Variants in FAM180B observed in about 807,000 individuals in gnomAD.
FAM180B encodes family with sequence similarity 180 member B, also known as protein FAM180B.
FAM180B carries 14 observed loss-of-function variants against 13.6 expected under a neutral mutation model. That is an observed-to-expected ratio of 1.03 (90% CI 0.68 to 1.60). The LOEUF is 1.60. Among genes scored for constraint, FAM180B ranks in the 40% most tolerant of loss-of-function variants. The pLI is 0.00. For missense variants in FAM180B, 212 were observed against 230.4 expected (o/e 0.92, Z 0.52); for synonymous variants, 109 against 97.0 (o/e 1.12, Z -0.72).
At position 47,586,956 on chromosome 11, in the gene FAM180B, G is replaced by A. The variant is rs1360341057; in HGVS notation, c.85+103G>A. 3.9e-6 allele frequency: 3 copies of A among 768,430 alleles called. No homozygotes were observed. The East Asian group carries it at 8.0e-5, about 21-fold the overall frequency. The allele number at this position is 768,430 out of a possible 1,614,324, so 47.6% of individuals were successfully genotyped here. A position where few individuals can be genotyped will look rare whatever the true frequency, so the allele number is the denominator to read the frequency against. On this transcript the variant is annotated intron_variant, in intron 1 of 2. Transcript: ENST00000538490. ...TAGTCGGGCATAGAAGCGTGGGCAT[G>A]GTGGGTACCAGGCTGATGTGTGCTG...
Position 47,588,754 on chromosome 11 carries a change from G to GTA in FAM180B, c.*321_*322insAT. 4.0e-6 allele frequency: 1 copy of GTA among 250,574 alleles called. No homozygotes were observed. Among genetic ancestry groups the GTA allele is most frequent in the Non-Finnish European group, 7.5e-6 (1 of 132,530 alleles). 15.5% of individuals were successfully genotyped at this position (250,574 alleles called of 1,614,324 possible). On this transcript the variant is annotated 3_prime_UTR_variant, in exon 3 of 3. Transcript: ENST00000538490. ...TGTGTGTGTGTGTGTGTGTGTGTGT[G>GTA]TGGAGATCAGGGGTCAGGGTTGAGA...
intron 1 of FAM180B, 148 bp downstream of exon 1, chr11:47,587,001 C>T: frequency 1.5e-6 from 1 of 649,486 alleles, no homozygotes; most frequent in Middle Eastern, 4.0e-4. Flanking sequence ...ACAGTGTGGG[C>T]CCCACCCCCA....
Position 47,588,665 on chromosome 11 carries a change from G to T in FAM180B, c.*231G>T. ...ACCCAGGCTCTGGGTCGCAAGGAGT[G>T]CGCAAGGAGTGGGCACAGAGCTAAG... On this transcript the variant is annotated 3_prime_UTR_variant, in exon 3 of 3. Transcript: ENST00000538490. 2 of 521,726 alleles carry T rather than the reference G, an allele frequency of 3.8e-6. No individual in the cohort carries two copies. Among genetic ancestry groups the T allele is most frequent in the Non-Finnish European group, 6.8e-6 (2 of 294,454 alleles). 32.3% of individuals were successfully genotyped at this position (521,726 alleles called of 1,614,324 possible). A position where few individuals can be genotyped will look rare whatever the true frequency, so the allele number is the denominator to read the frequency against.
rs1489471831 is a variant in FAM180B, at chr11:47,586,848, A to T, written c.80A>T (p.His27Leu). ...TCTGGTGTGACTACAACCCAGCCCC[A>T]TGCAGGTACCAGGCTTCAGGGTGGG... ...LLSGVTTTQP[H>L]AGQPMDSTSV... is the part of the protein sequence containing the mutation. Residue 27 changes from histidine (H) to leucine (L), a missense_variant, in exon 1 of 3, where the codon CAT becomes CTT. Transcript: ENST00000538490. 25 of 1,536,070 alleles carry T rather than the reference A, an allele frequency of 1.6e-5. No individual in the cohort carries two copies. The highest frequency in any genetic ancestry group is 2.1e-5 in the Non-Finnish European group (24 of 1,145,946).
chr11:47,587,558 G>C (rs1047851585), intron 1 of FAM180B, among the ~76,000 whole-genome samples, 193 bp from the exon 2 acceptor site: 2 of 152,304 alleles, frequency 1.3e-5, no homozygotes, highest in African/African-American at 4.8e-5. Flanking sequence ...ACCTATGCCT[G>C]GGAGGGTGAA....
rs1399358091 is a variant in FAM180B, at chr11:47,588,510, C to T, written c.*76C>T. The T allele has an allele frequency of 5.8e-6, 4 of 686,652 alleles. No individual in the cohort carries two copies. Among genetic ancestry groups the T allele is most frequent in the South Asian group, 2.0e-5 (1 of 49,498 alleles). The allele number at this position is 686,652 out of a possible 1,614,324, so 42.5% of individuals were successfully genotyped here. On this transcript the variant is annotated 3_prime_UTR_variant, in exon 3 of 3. Coordinates refer to ENST00000538490, the MANE Select transcript of FAM180B (RefSeq NM_001164379.3). Reference sequence around the variant, plus strand: ...CAACCCCCCAGGCAGACCCATCTTGCGCAGGGGCTTCTGTCTGGCATCTGA... The same window carrying T: ...CAACCCCCCAGGCAGACCCATCTTGTGCAGGGGCTTCTGTCTGGCATCTGA...
chr11:47,588,184 T>G lies in FAM180B; in HGVS notation c.302T>G (p.Leu101Arg), dbSNP rs1331587650. Reference sequence around the variant, plus strand: ...GACTTGGAGGGCACTGAGCAGTGGCTGCAGCAGCTCCAGGACCTGCGGAAG... The same window carrying G: ...GACTTGGAGGGCACTGAGCAGTGGCGGCAGCAGCTCCAGGACCTGCGGAAG... ...PSDLEGTEQW[L>R]QQLQDLRKGP... Residue 101 changes from leucine (L) to arginine (R), a missense_variant, in exon 3 of 3, where the codon CTG (leucine) becomes CGG (arginine). By Grantham distance (102) the Leu-to-Arg change is moderately radical. Transcript: ENST00000538490. The G allele has an allele frequency of 2.0e-6, 3 of 1,537,070 alleles. No individual in the cohort carries two copies. The Admixed American group carries it at 5.9e-5, about 30-fold the overall frequency.
At position 47,588,359 on chromosome 11, in the gene FAM180B, G is replaced by C. The variant is rs2097272924; in HGVS notation, c.477G>C (p.Leu159=). The stretch of plus-strand genomic sequence containing the variant: ...TGGCACAGGAAACACTCTGGGACCT[G>C]TGCAAAGGTTTCTGCCCCCAGGACC... The part of the protein sequence containing the change: ...ALLAQETLWD[L]CKGFCPQDRP... Residue 159 remains leucine, a synonymous_variant, in exon 3 of 3, where the codon CTG becomes CTC. Coordinates refer to ENST00000538490, the MANE Select transcript of FAM180B (RefSeq NM_001164379.3). 2.0e-6 allele frequency: 3 copies of C among 1,534,884 alleles called. No individual in the cohort carries two copies. In the South Asian group the frequency reaches 3.6e-5, roughly 18 times the overall value.
At chr11:47,587,169 C>G (rs1041793028) in intron 1 of FAM180B, among the ~76,000 whole-genome samples, 1 of 152,138 alleles carries the variant, frequency 6.6e-6, no homozygotes, top group African/African-American at 2.4e-5. Context: ...AAGGTGTGGG[C>G]CGGACGGAGC....
At chr11:47,587,162 G>A (rs2097272012) in intron 1 of FAM180B, among the ~76,000 whole-genome samples, 2 of 152,132 alleles carry the variant, frequency 1.3e-5, no homozygotes, top group African/African-American at 4.8e-5. Context: ...ACACCCCAAG[G>A]TGTGGGCCGG....
chr11:47,587,798 G>A lies in FAM180B; in HGVS notation c.133G>A (p.Glu45Lys). 2 of 1,535,398 alleles carry A rather than the reference G, an allele frequency of 1.3e-6. No individual in the cohort carries two copies. Among genetic ancestry groups the A allele is most frequent in the Middle Eastern group, 1.7e-4 (1 of 5,980 alleles). ...CGTGGGAGGTGGCCTGCAGGAGCCA[G>A]AGGCCCCGGAAGTGATGTTTGAGGT... ...TSVGGGLQEP[E>K]APEVMFELLW... Residue 45 changes from glutamate (E) to lysine (K), a missense_variant, in exon 2 of 3, where the codon GAG (glutamate) becomes AAG (lysine). Physicochemically the swap from Glu to Lys is moderately conservative, Grantham distance 56. Transcript: ENST00000538490.
rs1028124423 is a variant in FAM180B at position 47,588,705 on chromosome 11, G to A, written c.*271G>A. The A allele has an allele frequency of 1.0e-5, 4 of 387,764 alleles. No homozygotes were observed. The highest frequency in any genetic ancestry group is 2.3e-5 in the African/African-American group (1 of 43,004). 24.0% of individuals were successfully genotyped at this position (387,764 alleles called of 1,614,324 possible). Reference sequence around the variant, plus strand: ...ACAGAGCTAAGGGCACGACTTGCAGGCAGTGTGTGTGTGAGTGTGTGTGTG... The same window carrying A: ...ACAGAGCTAAGGGCACGACTTGCAGACAGTGTGTGTGTGAGTGTGTGTGTG... On this transcript the variant is annotated 3_prime_UTR_variant, in exon 3 of 3. Coordinates refer to ENST00000538490, the MANE Select transcript of FAM180B (RefSeq NM_001164379.3).
rs2097273037 is a variant in FAM180B at position 47,588,476 on chromosome 11, T to A, written c.*42T>A. The A allele has an allele frequency of 9.2e-6, 10 of 1,087,468 alleles. No individual in the cohort carries two copies. Among genetic ancestry groups the A allele is most frequent in the Non-Finnish European group, 1.3e-5 (10 of 773,014 alleles). The allele number at this position is 1,087,468 out of a possible 1,614,324, so 67.4% of individuals were successfully genotyped here. A position where few individuals can be genotyped will look rare whatever the true frequency, so the allele number is the denominator to read the frequency against. Reference sequence around the variant, plus strand: ...TTTCACCTGCCATTACCCCCTCCCATCTCCTCCTCAACCCCCCAGGCAGAC... The same window carrying A: ...TTTCACCTGCCATTACCCCCTCCCAACTCCTCCTCAACCCCCCAGGCAGAC... On this transcript the variant is annotated 3_prime_UTR_variant, in exon 3 of 3. Coordinates refer to ENST00000538490, the MANE Select transcript of FAM180B (RefSeq NM_001164379.3).
At position 47,588,291 on chromosome 11, in the gene FAM180B, G is replaced by A. The variant is rs891059023; in HGVS notation, c.409G>A (p.Glu137Lys). The A allele has an allele frequency of 6.5e-7, 1 of 1,537,164 alleles. No homozygotes were observed. Among genetic ancestry groups the A allele is most frequent in the South Asian group, 1.2e-5 (1 of 84,058 alleles). Residue 137 changes from glutamate to lysine, a missense_variant, in exon 3 of 3, where the codon GAG becomes AAG. Glu to Lys is a moderately conservative substitution (Grantham distance 56). Coordinates refer to ENST00000538490, the MANE Select transcript of FAM180B (RefSeq NM_001164379.3). ...SCVYRLHAAS[E>K]AEERGRWAQV... ...CGTCTACCGGCTCCACGCAGCTAGT[G>A]AGGCTGAGGAACGGGGCCGCTGGGC...
At position 47,588,592 on chromosome 11, in the gene FAM180B, C is replaced by A. The variant is rs1050885978; in HGVS notation, c.*158C>A. 29 of 566,936 alleles carry A rather than the reference C, an allele frequency of 5.1e-5. No individual in the cohort carries two copies. Among genetic ancestry groups the A allele is most frequent in the Non-Finnish European group, 8.4e-5 (27 of 320,110 alleles). The allele number at this position is 566,936 out of a possible 1,614,324, so 35.1% of individuals were successfully genotyped here. ...GGCTTGCACCCTGGACACCCCCTCT[C>A]TGCTTACCCCGACCAGATCTTGTTT... On this transcript the variant is annotated 3_prime_UTR_variant, in exon 3 of 3. Coordinates refer to ENST00000538490, the MANE Select transcript of FAM180B (RefSeq NM_001164379.3).
intron 1 of FAM180B, 75 bp from the exon 2 acceptor site, chr11:47,587,676 A>C: frequency 9.5e-7 from 1 of 1,052,370 alleles, no homozygotes; most frequent in Admixed American, 2.9e-5. Context: ...ACCAGGCAGC[A>C]GAGGGGCACT....
rs1411100191 is a variant in FAM180B, at chr11:47,586,701, T to C, written c.-68T>C. On this transcript the variant is annotated 5_prime_UTR_variant, in exon 1 of 3. Transcript: ENST00000538490. Reference sequence around the variant, plus strand: ...CCGCAGTGGAAAGTTGGAGCTGAGGTGTGTGGCAGGCAGATGAGGGAGCAG... The same window carrying C: ...CCGCAGTGGAAAGTTGGAGCTGAGGCGTGTGGCAGGCAGATGAGGGAGCAG... The C allele has an allele frequency of 2.6e-6, 3 of 1,140,252 alleles. No individual in the cohort carries two copies. Among genetic ancestry groups the C allele is most frequent in the Non-Finnish European group, 2.6e-6 (2 of 784,150 alleles). 70.6% of individuals were successfully genotyped at this position (1,140,252 alleles called of 1,614,324 possible).
Position 47,587,806 on chromosome 11 carries a change from G to C in FAM180B, c.141G>C (p.Pro47=). 6.5e-7 allele frequency: 1 copy of C among 1,535,180 alleles called. No individual in the cohort carries two copies. The highest frequency in any genetic ancestry group is 8.7e-7 in the Non-Finnish European group (1 of 1,145,720). ...GTGGCCTGCAGGAGCCAGAGGCCCC[G>C]GAAGTGATGTTTGAGGTCTTTCCTC... ...VGGGLQEPEA[P]EVMFELLWAG... is the part of the protein sequence containing the mutation. The change falls in exon 2 of 3, where the codon CCG becomes CCC. Residue 47 remains proline, a synonymous_variant. Transcript: ENST00000538490.
In FAM180B at chr11:47,586,850, GC is replaced by G; in HGVS notation, c.83del (p.Ala28GlufsTer22). The part of the protein sequence containing the change: ...LSGVTTTQPH[A>X]GQPMDSTSVG... ...TGGTGTGACTACAACCCAGCCCCAT[GC>G]AGGTACCAGGCTTCAGGGTGGGTGG... On this transcript the variant is annotated frameshift_variant and splice_region_variant, in exon 1 of 3. Transcript: ENST00000538490. LOFTEE classifies it high-confidence loss of function. 6.5e-7 allele frequency: 1 copy of G among 1,536,074 alleles called. No individual in the cohort carries two copies. The highest frequency in any genetic ancestry group is 2.4e-5 in the East Asian group (1 of 40,920).
Sources: allele counts gnomAD v4.1 joint callset (sites outside exome capture counted in the v4.1 genomes callset), GRCh38; gene constraint gnomAD v4.1.1; transcripts MANE v1.5; gene names NCBI Gene and HGNC (gene_info 2026-07-23, HGNC 2026-07-21).